SEC61A2: variants seen among roughly 807,000 people sequenced by gnomAD.
The protein encoded by SEC61A2 is protein transport protein Sec61 subunit alpha isoform 2.
A neutral mutation model predicts 59.9 loss-of-function variants in SEC61A2; 28 were observed. The ratio of observed to expected loss-of-function variants is 0.47; its 90% CI spans 0.35 to 0.64. SEC61A2 has a LOEUF of 0.64. Ranked by LOEUF, SEC61A2 falls within the 30% of genes least tolerant of loss-of-function variation. The pLI is 0.01. For missense variants in SEC61A2, 340 were observed against 585.9 expected (o/e 0.58, Z 4.33); for synonymous variants, 202 against 214.4 (o/e 0.94, Z 0.50).
chr10:12,134,883 C>T (rs1021479105), intron 2 of SEC61A2, among the ~76,000 whole-genome samples: 1 of 150,274 alleles, frequency 6.7e-6, no homozygotes, highest in African/African-American at 2.5e-5. Context: ...TGCGCCACTG[C>T]GCTGCAGCCT....
At chr10:12,169,236 AT>A (rs777764218), downstream of SEC61A2, 5 of 1,516,534 alleles carry the variant, frequency 3.3e-6, no homozygotes, top group African/African-American at 2.8e-5. The surrounding 1 kb of genome is among the most constrained non-coding windows in gnomAD (Gnocchi z 4.8). Flanking sequence ...CACTTATTCT[AT>A]TTTTTTCTCC....
At position 12,162,700 on chromosome 10, in the gene SEC61A2, T is replaced by C. The variant is rs917954725; in HGVS notation, c.1244+411T>C. Among the ~76,000 whole-genome samples the C allele has an allele frequency of 6.6e-6, 1 of 152,222 alleles. No individual in the cohort carries two copies. Among genetic ancestry groups the C allele is most frequent in the African/African-American group, 2.4e-5 (1 of 41,454 alleles). On this transcript the variant is annotated intron_variant, in intron 11 of 11. Transcript: ENST00000298428. This position sits in a 1 kb window ranked among gnomAD's most constrained non-coding sequence, Gnocchi z 6.1. ...ATGTAATTCACTCACTTGAAGTATA[T>C]TGTTCAGTGTTTTTTAGTATATTCA...
chr10:12,141,722 C>T lies in SEC61A2; in HGVS notation c.142-1395C>T, dbSNP rs187557188. On this transcript the variant is annotated intron_variant, in intron 3 of 11. Transcript: ENST00000298428. ...TACACTTTCGTACTTCGTTTTTATA[C>T]TAGGGCTTCTTAACAGTCGCACTCC... is the stretch of plus-strand genomic sequence containing the variant. Among the ~76,000 whole-genome samples, 5 of 152,242 alleles carry T rather than the reference C, an allele frequency of 3.3e-5. No homozygotes were observed. In the East Asian group the frequency reaches 9.6e-4, roughly 29 times the overall value.
chr10:12,147,072 G>A (rs954423902), intron 4 of SEC61A2, among the ~76,000 whole-genome samples: 1 of 151,946 alleles, frequency 6.6e-6, no homozygotes. Context: ...TTAATTTTTT[G>A]TAGAGACAGC....
chr10:12,137,556 G>GT (rs1412982959), intron 3 of SEC61A2, among the ~76,000 whole-genome samples: 1 of 151,890 alleles, frequency 6.6e-6, no homozygotes, highest in Non-Finnish European at 1.5e-5. Flanking sequence ...CCATCTACCT[G>GT]TATCTCCCAC....
chr10:12,149,057 A>T lies in SEC61A2; in HGVS notation c.221-538A>T, dbSNP rs1003968258. Among the ~76,000 whole-genome samples the T allele has an allele frequency of 2.6e-5, 4 of 151,916 alleles. No individual in the cohort carries two copies. The highest frequency in any genetic ancestry group is 9.7e-5 in the African/African-American group (4 of 41,356). On this transcript the variant is annotated intron_variant, in intron 4 of 11. Transcript: ENST00000298428. The surrounding 1 kb of genome is among the most constrained non-coding windows in gnomAD (Gnocchi z 5.2). ...CATACCTTCCTTATACAGTTGGCAT[A>T]TTTGATTTTCTTATTTCTCCCTATA...
At position 12,133,324 on chromosome 10, in the gene SEC61A2, T is replaced by C. The variant is rs1285319153; in HGVS notation, c.75+16T>C. On this transcript the variant is annotated intron_variant, in intron 2 of 11. Coordinates refer to ENST00000298428, the MANE Select transcript of SEC61A2 (RefSeq NM_018144.4). ...GGAAAGGAAAGTAAGTATAATATTT[T>C]AGTAATATAGAGGGTAGCTCAAGGG... 1.5e-6 allele frequency: 2 copies of C among 1,349,170 alleles called. No individual in the cohort carries two copies. The highest frequency in any genetic ancestry group is 1.7e-5 in the Admixed American group (1 of 57,862). The allele number at this position is 1,349,170 out of a possible 1,614,324, so 83.6% of individuals were successfully genotyped here. A position where few individuals can be genotyped will look rare whatever the true frequency, so the allele number is the denominator to read the frequency against.
In SEC61A2 at chr10:12,164,879, A is replaced by T; in HGVS notation, c.*425A>T. On this transcript the variant is annotated 3_prime_UTR_variant, in exon 12 of 12. Coordinates refer to ENST00000298428, the MANE Select transcript of SEC61A2 (RefSeq NM_018144.4). The surrounding 1 kb of genome is among the most constrained non-coding windows in gnomAD (Gnocchi z 7.3). ...AATGAGTTCTGGAACATTTATATCT[A>T]ATCTATATTTTAGATAATTACTTTT... 1.0e-6 allele frequency: 1 copy of T among 977,820 alleles called. No individual in the cohort carries two copies. The highest frequency in any genetic ancestry group is 1.2e-6 in the Non-Finnish European group (1 of 822,546). The allele number at this position is 977,820 out of a possible 1,614,324, so 60.6% of individuals were successfully genotyped here.
At chr10:12,134,046 C>T (rs776568368) in intron 2 of SEC61A2, among the ~76,000 whole-genome samples, 1 of 144,474 alleles carries the variant, frequency 6.9e-6, no homozygotes, top group Admixed American at 7.0e-5. Context: ...TCGCTCTGTC[C>T]CCCAGGCTGG....
In SEC61A2 at chr10:12,150,030, T is replaced by G. The variant is rs1834238927; in HGVS notation, c.462+69T>G. On this transcript the variant is annotated intron_variant, in intron 6 of 11. Coordinates refer to ENST00000298428, the MANE Select transcript of SEC61A2 (RefSeq NM_018144.4). ...GATTCCTTTTTCCTTTTCTAACAGT[T>G]CTTTAGGTGATTGGCTTATTCATTT... The G allele has an allele frequency of 4.0e-6, 4 of 1,000,188 alleles. No individual in the cohort carries two copies. The African/African-American group carries it at 4.8e-5, about 12-fold the overall frequency. 62.0% of individuals were successfully genotyped at this position (1,000,188 alleles called of 1,614,324 possible). A position where few individuals can be genotyped will look rare whatever the true frequency, so the allele number is the denominator to read the frequency against.
In SEC61A2 at chr10:12,158,281, A is replaced by G. The variant is rs922226403; in HGVS notation, c.975+176A>G. On this transcript the variant is annotated intron_variant, in intron 9 of 11. Coordinates refer to ENST00000298428, the MANE Select transcript of SEC61A2 (RefSeq NM_018144.4). This position sits in a 1 kb window ranked among gnomAD's most constrained non-coding sequence, Gnocchi z 5.7. ...AACTGGTAAGTGTTGCAGAAGTAAG[A>G]TTGCCCAAGCGCTTTTTATTATTTT... The G allele has an allele frequency of 1.7e-6, 1 of 585,068 alleles. No individual in the cohort carries two copies. The highest frequency in any genetic ancestry group is 1.9e-5 in the African/African-American group (1 of 52,942). The allele number at this position is 585,068 out of a possible 1,614,324, so 36.2% of individuals were successfully genotyped here. A position where few individuals can be genotyped will look rare whatever the true frequency, so the allele number is the denominator to read the frequency against.
At chr10:12,131,766 C>T (rs1455033369) in intron 1 of SEC61A2, among the ~76,000 whole-genome samples, 4 of 129,456 alleles carry the variant, frequency 3.1e-5, no homozygotes, top group Non-Finnish European at 6.3e-5. Context: ...TCCGGGCTTA[C>T]TGCAAGCTCC....
downstream of SEC61A2, chr10:12,168,026 G>T: frequency 4.6e-6 from 4 of 861,176 alleles, no homozygotes; most frequent in Admixed American, 4.5e-5. This position sits in a 1 kb window ranked among gnomAD's most constrained non-coding sequence, Gnocchi z 4.8. Context: ...CAGGGATAAT[G>T]ATTTTTTTTT....
In SEC61A2 at chr10:12,135,909, GTA is replaced by G. The variant is rs201821830; in HGVS notation, c.76-192_76-191del. On this transcript the variant is annotated intron_variant, in intron 2 of 11. Transcript: ENST00000298428. The stretch of plus-strand genomic sequence containing the variant: ...TGTCTGTATATATGTGTGCGTGTGT[GTA>G]TATGTATGAGAGAGAAAAAAATGTT... Among the ~76,000 whole-genome samples the G allele has an allele frequency of 5.9e-5, 9 of 152,314 alleles. No homozygotes were observed. In the East Asian group the frequency reaches 1.7e-3, roughly 29 times the overall value.
chr10:12,166,861 C>T (rs576081551), downstream of SEC61A2: 1 of 417,980 alleles, frequency 2.4e-6, no homozygotes, highest in East Asian at 7.3e-5. Context: ...TCAATCTGTA[C>T]TTCTTGCTGT....
Position 12,157,899 on chromosome 10 carries a change from C to A in SEC61A2, c.778-9C>A, listed in dbSNP as rs1402614670. 1.1e-5 allele frequency: 18 copies of A among 1,613,748 alleles called. No individual in the cohort carries two copies. The highest frequency in any genetic ancestry group is 1.4e-5 in the Non-Finnish European group (17 of 1,179,906). On this transcript the variant is annotated splice_polypyrimidine_tract_variant and intron_variant, in intron 8 of 11. Coordinates refer to ENST00000298428, the MANE Select transcript of SEC61A2 (RefSeq NM_018144.4). Reference sequence around the variant, plus strand: ...GGCTCCCCCACTTACTCTCCGTTTCCTTTTTTAGGGATTTCGCGTTGATCT... The same window carrying A: ...GGCTCCCCCACTTACTCTCCGTTTCATTTTTTAGGGATTTCGCGTTGATCT...
rs955522158 is a variant in SEC61A2, at chr10:12,165,055, CTCCTCT to C, written c.*613_*618del. 4.8e-5 allele frequency: 47 copies of C among 987,604 alleles called. No homozygotes were observed. The highest frequency in any genetic ancestry group is 3.4e-4 in the East Asian group (3 of 8,854). 61.2% of individuals were successfully genotyped at this position (987,604 alleles called of 1,614,324 possible). On this transcript the variant is annotated 3_prime_UTR_variant, in exon 12 of 12. Coordinates refer to ENST00000298428, the MANE Select transcript of SEC61A2 (RefSeq NM_018144.4). ...CTTCTAAGGCCTCCTCCTTCTCCTC[CTCCTCT>C]TCCTCTTCCTCCTTTTCCTTCTCCT...
At chr10:12,135,494 T>C (rs895756440) in intron 2 of SEC61A2, among the ~76,000 whole-genome samples, 15 of 152,214 alleles carry the variant, frequency 9.9e-5, no homozygotes, top group Non-Finnish European at 2.9e-5. Flanking sequence ...GTAGCACAAA[T>C]GCAGTTTTGT....
At chr10:12,133,486 A>T (rs1202654470) in intron 2 of SEC61A2, among the ~76,000 whole-genome samples, 178 bp downstream of exon 2, 1 of 152,198 alleles carries the variant, frequency 6.6e-6, no homozygotes, top group Non-Finnish European at 1.5e-5. Context: ...TTAAATCTAG[A>T]TAGGTTAACT....
Sources: allele counts gnomAD v4.1 joint callset (sites outside exome capture counted in the v4.1 genomes callset), GRCh38; gene constraint gnomAD v4.1.1; non-coding constraint Gnocchi (gnomAD v3.1); transcripts MANE v1.5; gene names NCBI Gene and HGNC (gene_info 2026-07-23, HGNC 2026-07-21).